Variants in NAA25 observed in about 807,000 individuals in gnomAD.
NAA25 encodes the protein N-alpha-acetyltransferase 25, NatB auxiliary subunit.
In NAA25, 30 loss-of-function variants were observed where a neutral mutation model predicts 132.5. The ratio of observed to expected loss-of-function variants is 0.23; its 90% CI spans 0.17 to 0.31. The LOEUF is 0.31. Ranked by LOEUF, NAA25 falls within the 10% of genes least tolerant of loss-of-function variation. The pLI, the probability that NAA25 is intolerant of heterozygous loss-of-function variation, is 1.00. For synonymous variants in NAA25, 359 were observed against 401.9 expected, an observed-to-expected ratio of 0.89 and a Z score of 1.28; for missense variants, 771 against 1,150.4, an observed-to-expected ratio of 0.67 and a Z score of 4.77.
chr12:112,047,845 T>C (rs1385668410), intron 16 of NAA25, 55 bp from the exon 17 acceptor site: 2 of 1,516,288 alleles, frequency 1.3e-6, no homozygotes, highest in Non-Finnish European at 1.8e-6. Flanking sequence ...CCAGAAAATA[T>C]TATTAATCAG....
At chr12:112,067,949 G>A (rs2078743582) in intron 11 of NAA25, among the ~76,000 whole-genome samples, 1 of 151,954 alleles carries the variant, frequency 6.6e-6, no homozygotes, top group South Asian at 2.1e-4. Flanking sequence ...TATTGGCCAG[G>A]CTGGTCTTGA....
chr12:112,063,711 G>T (rs532790422), intron 11 of NAA25, among the ~76,000 whole-genome samples: 1 of 152,142 alleles, frequency 6.6e-6, no homozygotes, highest in South Asian at 2.1e-4. Flanking sequence ...ACACAGAAGG[G>T]CACCAATAGG....
intron 12 of NAA25, among the ~76,000 whole-genome samples, chr12:112,060,958 C>T (rs1480562817): frequency 2.0e-5 from 3 of 152,084 alleles, no homozygotes; most frequent in African/African-American, 7.2e-5. Flanking sequence ...AAAAAGTTAG[C>T]TCATCAGATC....
chr12:112,032,913 T>C (rs982157703), intron 23 of NAA25, among the ~76,000 whole-genome samples: 16 of 152,190 alleles, frequency 1.1e-4, no homozygotes, highest in Non-Finnish European at 2.2e-4. Context: ...AGCAGGTAAA[T>C]TCTATTCAAG....
intron 9 of NAA25, among the ~76,000 whole-genome samples, chr12:112,072,334 G>A (rs1372377218): frequency 1.3e-5 from 2 of 152,138 alleles, no homozygotes; most frequent in African/African-American, 4.8e-5. Context: ...CTGGCTGGGC[G>A]TGGTGGCTCA....
Position 112,074,873 on chromosome 12 carries a change from TAGG to T in NAA25, c.777-112_777-110del, listed in dbSNP as rs569378312. 4,864 of 711,658 alleles carry T rather than the reference TAGG, an allele frequency of 6.8e-3. 31 individuals are homozygous for T. The highest frequency in any genetic ancestry group is 8.7e-3 in the Non-Finnish European group (3,746 of 431,918). The allele number at this position is 711,658 out of a possible 1,614,324, so 44.1% of individuals were successfully genotyped here. ...TTGTAAGTTATATTTTAGTATGTAG[TAGG>T]TTGGCTTACCCCCACCCACTCCATG... On this transcript the variant is annotated intron_variant, in intron 8 of 23. Transcript: ENST00000261745.
Position 112,071,938 on chromosome 12 carries a change from A to C in NAA25, c.993T>G (p.Ile331Met), listed in dbSNP as rs376379432. 1 of 1,614,036 alleles carries C rather than the reference A, an allele frequency of 6.2e-7. No homozygotes were observed. The highest frequency in any genetic ancestry group is 8.5e-7 in the Non-Finnish European group (1 of 1,179,988). Residue 331 changes from isoleucine (I) to methionine (M), a missense_variant, in exon 10 of 24, where the codon ATT becomes ATG. By Grantham distance (10) the Ile-to-Met change is conservative. Around this residue, in one of 3 missense-constraint regions of NAA25, gnomAD observed 417 missense variants for 733.8 expected, o/e 0.57. Coordinates refer to ENST00000261745, the MANE Select transcript of NAA25 (RefSeq NM_024953.4). Reference sequence around the variant, plus strand: ...TACAACCTTGACTTCGTAAACGCCTAATCAGCTCCAATTTAGCTAGATGTG... The same window carrying C: ...TACAACCTTGACTTCGTAAACGCCTCATCAGCTCCAATTTAGCTAGATGTG... ...RGPHLAKLEL[I>M]RRLRSQGCND...
At position 112,068,145 on chromosome 12, in the gene NAA25, C is replaced by A. The variant is rs569624660; in HGVS notation, c.1149+735G>T. On this transcript the variant is annotated intron_variant, in intron 11 of 23. Coordinates refer to ENST00000261745, the MANE Select transcript of NAA25 (RefSeq NM_024953.4). ...CCTCGAACTCCTGGGCTCAAGCGATCCTGCCGCCTCAGTCTCCCAAGTAGC... is the reference window on the plus strand; with the variant it reads ...CCTCGAACTCCTGGGCTCAAGCGATACTGCCGCCTCAGTCTCCCAAGTAGC... 2.0e-5 allele frequency among the ~76,000 whole-genome samples: 3 copies of A among 152,178 alleles called. No individual in the cohort carries two copies. In the South Asian group the frequency reaches 6.2e-4, roughly 32 times the overall value.
At chr12:112,056,651 C>G (rs1392012386) in intron 13 of NAA25, among the ~76,000 whole-genome samples, 2 of 152,276 alleles carry the variant, frequency 1.3e-5, no homozygotes, top group Middle Eastern at 3.4e-3. Context: ...CCCTCATCAA[C>G]TTTCTATTGA....
intron 13 of NAA25, among the ~76,000 whole-genome samples, chr12:112,058,256 G>A (rs1034387611): frequency 6.6e-6 from 1 of 152,124 alleles, no homozygotes; most frequent in Non-Finnish European, 1.5e-5. Flanking sequence ...ATCAAGACAG[G>A]CTTTGTTAAA....
In NAA25 at chr12:112,049,380, A is replaced by G; in HGVS notation, c.1729-937T>C. 1.1e-6 allele frequency: 1 copy of G among 898,034 alleles called. No homozygotes were observed. The highest frequency in any genetic ancestry group is 1.3e-6 in the Non-Finnish European group (1 of 750,160). 55.6% of individuals were successfully genotyped at this position (898,034 alleles called of 1,614,324 possible). A position where few individuals can be genotyped will look rare whatever the true frequency, so the allele number is the denominator to read the frequency against. On this transcript the variant is annotated intron_variant, in intron 15 of 23. Coordinates refer to ENST00000261745, the MANE Select transcript of NAA25 (RefSeq NM_024953.4). This position sits in a 1 kb window ranked among gnomAD's most constrained non-coding sequence, Gnocchi z 4.7. ...CCCAAAAAAGATCCTTTCTAGAAAA[A>G]ACAGTCTTTTTACACAGCCTCAGTT...
chr12:112,035,614 A>G (rs1383245124), intron 22 of NAA25, among the ~76,000 whole-genome samples: 2 of 152,036 alleles, frequency 1.3e-5, no homozygotes, highest in Non-Finnish European at 2.9e-5. Context: ...AGAGCATCCA[A>G]TCTAAAGAAC....
rs1481308957 is a variant in NAA25, at chr12:112,041,468, C to T, written c.2440+571G>A. ...CTCCCAAAGTGCTGGGATTACAGGCCGTGAGTCACCATGCCCGGCCAGAAA... is the reference window on the plus strand; with the variant it reads ...CTCCCAAAGTGCTGGGATTACAGGCTGTGAGTCACCATGCCCGGCCAGAAA... On this transcript the variant is annotated intron_variant, in intron 20 of 23. Coordinates refer to ENST00000261745, the MANE Select transcript of NAA25 (RefSeq NM_024953.4). Among the ~76,000 whole-genome samples the T allele has an allele frequency of 3.3e-5, 5 of 151,994 alleles. No individual in the cohort carries two copies. The East Asian group carries it at 7.7e-4, about 24-fold the overall frequency.
chr12:112,075,704 G>C lies in NAA25; in HGVS notation c.750C>G (p.Ala250=). 2.5e-6 allele frequency: 4 copies of C among 1,613,868 alleles called. No homozygotes were observed. Among genetic ancestry groups the C allele is most frequent in the Non-Finnish European group, 2.5e-6 (3 of 1,179,876 alleles). ...TTTTTAGTAAGAGGCGCCGGGAAAG[G>C]GCATTGCACTCTGGCCACCTGCTCA... ...KKLSRWPECN[A]LSRRLLLKNS... Residue 250 remains alanine, a synonymous_variant, in exon 8 of 24, where the codon GCC becomes GCG. Transcript: ENST00000261745.
chr12:112,048,877 C>T (rs1211515137), intron 15 of NAA25, among the ~76,000 whole-genome samples: 1 of 151,942 alleles, frequency 6.6e-6, no homozygotes, highest in Non-Finnish European at 1.5e-5. Flanking sequence ...GCCCCCCGCC[C>T]CCCCAAATAA....
In NAA25 at chr12:112,075,728, C is replaced by T. The variant is rs2078886779; in HGVS notation, c.726G>A (p.Leu242=). ...GGGCATTGCACTCTGGCCACCTGCTCAGCTTCTTGTACATAGCCATGCATT... is the reference window on the plus strand; with the variant it reads ...GGGCATTGCACTCTGGCCACCTGCTTAGCTTCTTGTACATAGCCATGCATT... ...ENKCMAMYKK[L]SRWPECNALS... is the part of the protein sequence containing the mutation. Residue 242 remains leucine (L), a synonymous_variant, in exon 8 of 24, where the codon CTG becomes CTA. Transcript: ENST00000261745. 2 of 1,613,888 alleles carry T rather than the reference C, an allele frequency of 1.2e-6. No homozygotes were observed. Among genetic ancestry groups the T allele is most frequent in the Non-Finnish European group, 1.7e-6 (2 of 1,179,930 alleles).
At position 112,029,091 on chromosome 12, in the gene NAA25, G is replaced by A. The variant is rs757289662; in HGVS notation, c.*440C>T. ...AAAAGGGGGTCTGTTCCCAGGCATG[G>A]TCTCCCCTCCACTTCTTGTGGCTCA... is the stretch of plus-strand genomic sequence containing the variant. On this transcript the variant is annotated 3_prime_UTR_variant, in exon 24 of 24. Transcript: ENST00000261745. 14 of 162,910 alleles carry A rather than the reference G, an allele frequency of 8.6e-5. No individual in the cohort carries two copies. The highest frequency in any genetic ancestry group is 1.9e-4 in the Non-Finnish European group (14 of 73,860). The allele number at this position is 162,910 out of a possible 1,614,324, so 10.1% of individuals were successfully genotyped here.
intron 15 of NAA25, among the ~76,000 whole-genome samples, chr12:112,050,992 C>T (rs547380902): frequency 1.2e-4 from 19 of 152,136 alleles, no homozygotes; most frequent in African/African-American, 2.7e-4. Context: ...AAAAAGCATC[C>T]GGGGATCCCA....
Position 112,042,243 on chromosome 12 carries a change from T to G in NAA25, c.2375-139A>C, listed in dbSNP as rs953718589. ...AGACCCTTATGCATTTTTCATTATT[T>G]TGAGACAAAAAGAAAATGATAATGA... On this transcript the variant is annotated intron_variant, in intron 19 of 23. Coordinates refer to ENST00000261745, the MANE Select transcript of NAA25 (RefSeq NM_024953.4). 2.2e-5 allele frequency: 8 copies of G among 370,980 alleles called. No homozygotes were observed. In the Admixed American group the frequency reaches 2.9e-4, roughly 13 times the overall value. The allele number at this position is 370,980 out of a possible 1,614,324, so 23.0% of individuals were successfully genotyped here. A position where few individuals can be genotyped will look rare whatever the true frequency, so the allele number is the denominator to read the frequency against.
Sources: gnomAD v4.1 joint callset for allele counts (sites outside exome capture counted in the v4.1 genomes callset) on GRCh38, gnomAD v4.1.1 for gene constraint, gnomAD v4.1.1 regional missense constraint, Gnocchi (gnomAD v3.1) non-coding constraint, MANE v1.5 for transcripts, NCBI Gene and HGNC (gene_info 2026-07-23, HGNC 2026-07-21) for gene names.